Variants in CASZ1 observed in about 807,000 individuals in gnomAD.
The protein encoded by CASZ1 is zinc finger protein castor homolog 1.
A neutral mutation model predicts 135.2 loss-of-function variants in CASZ1; 28 were observed. The ratio of observed to expected loss-of-function variants is 0.21; its 90% CI spans 0.15 to 0.28. The LOEUF (loss-of-function observed/expected upper bound fraction) is 0.28, where lower values mean the gene tolerates loss of function less well. Among genes scored for constraint, CASZ1 ranks in the 10% least tolerant of loss-of-function variants. The pLI is 1.00. For missense variants in CASZ1, 2,161 were observed against 2,453.3 expected, an observed-to-expected ratio of 0.88 and a Z score of 2.52; for synonymous variants, 1,068 against 1,073.4, an observed-to-expected ratio of 0.99 and a Z score of 0.10.
At chr1:10,705,916 G>A (rs1557521613) in intron 2 of CASZ1, among the ~76,000 whole-genome samples, 1 of 152,258 alleles carries the variant, frequency 6.6e-6, no homozygotes, top group Non-Finnish European at 1.5e-5. Context: ...CCGTGGAGCT[G>A]CAGCGGCCTA....
rs771506457 is a variant in CASZ1 at position 10,654,470 on chromosome 1, CCA to C, written c.1785_1786del (p.Cys595TrpfsTer31). On this transcript the variant is annotated frameshift_variant, in exon 10 of 21. Transcript: ENST00000377022. LOFTEE classifies it high-confidence loss of function. ...TCCGTAGAACTGGCAGTCGGCTGTG[CCA>C]CAGTCTTCGGTGGCTCGGAAGCGCT... 6.2e-7 allele frequency: 1 copy of C among 1,614,240 alleles called. No homozygotes were observed. Among genetic ancestry groups the C allele is most frequent in the South Asian group, 1.1e-5 (1 of 91,086 alleles).
rs1255433527 is a variant in CASZ1, at chr1:10,759,111, G to C, written c.-77+1590C>G. On this transcript the variant is annotated intron_variant, in intron 2 of 20. Coordinates refer to ENST00000377022, the MANE Select transcript of CASZ1 (RefSeq NM_001079843.3). The surrounding 1 kb of genome is among the most constrained non-coding windows in gnomAD (Gnocchi z 4.2). Reference sequence around the variant, plus strand: ...AACAAAAAACCCGTCACTGAGAACAGAGCAGGCAAACATTACCCTCTCAGA... The same window carrying C: ...AACAAAAAACCCGTCACTGAGAACACAGCAGGCAAACATTACCCTCTCAGA... 6.6e-6 allele frequency among the ~76,000 whole-genome samples: 1 copy of C among 152,204 alleles called. No individual in the cohort carries two copies. Among genetic ancestry groups the C allele is most frequent in the Admixed American group, 6.5e-5 (1 of 15,278 alleles).
chr1:10,643,094 G>C, intron 19 of CASZ1, 66 bp downstream of exon 19: 1 of 1,596,048 alleles, frequency 6.3e-7, no homozygotes, highest in Non-Finnish European at 8.6e-7. Context: ...AGGCCTGAGA[G>C]TGAGCGTGGG....
In CASZ1 at chr1:10,707,536, G is replaced by A. The variant is rs1020142933; in HGVS notation, c.-76-1992C>T. 6.6e-6 allele frequency among the ~76,000 whole-genome samples: 1 copy of A among 152,112 alleles called. No homozygotes were observed. Among genetic ancestry groups the A allele is most frequent in the Admixed American group, 6.5e-5 (1 of 15,280 alleles). ...ACTTTCCAGGAGTTGGTCGGGGGTG[G>A]AGGAGGGAGGGGAGGGCCAGAGATG... is the stretch of plus-strand genomic sequence containing the variant. On this transcript the variant is annotated intron_variant, in intron 2 of 20. Coordinates refer to ENST00000377022, the MANE Select transcript of CASZ1 (RefSeq NM_001079843.3). This position sits in a 1 kb window ranked among gnomAD's most constrained non-coding sequence, Gnocchi z 5.0.
rs933106836 is a variant in CASZ1 at position 10,660,000 on chromosome 1, G to A, written c.1042C>T (p.His348Tyr). Reference sequence around the variant, plus strand: ...CTGCCCTCCCCGGGTTTGAAGAGGTGCAGGTACTTGACATTCTCCAGGTCG... The same window carrying A: ...CTGCCCTCCCCGGGTTTGAAGAGGTACAGGTACTTGACATTCTCCAGGTCG... ...KYDLENVKYL[H>Y]LFKPGEGSPD... Residue 348 changes from histidine (H) to tyrosine (Y), a missense_variant, in exon 6 of 21, where the codon CAC (histidine) becomes TAC (tyrosine). Around this residue, in one of 7 missense-constraint regions of CASZ1, gnomAD observed 590 missense variants for 609.8 expected, o/e 0.97. Transcript: ENST00000377022. The A allele has an allele frequency of 3.7e-6, 6 of 1,613,980 alleles. No homozygotes were observed. The highest frequency in any genetic ancestry group is 5.1e-6 in the Non-Finnish European group (6 of 1,180,012).
intron 4 of CASZ1, among the ~76,000 whole-genome samples, chr1:10,686,149 G>A (rs1570473997): frequency 6.6e-6 from 1 of 152,060 alleles, no homozygotes; most frequent in South Asian, 2.1e-4. Flanking sequence ...GCGCCTGGCC[G>A]TCCTCTCCTC....
intron 3 of CASZ1, among the ~76,000 whole-genome samples, chr1:10,703,343 C>T (rs1639103408): frequency 6.6e-6 from 1 of 152,094 alleles, no homozygotes; most frequent in African/African-American, 2.4e-5. Context: ...ACCTCCAGGG[C>T]CTTCTCAGCC....
At position 10,639,840 on chromosome 1, in the gene CASZ1, C is replaced by T. The variant is rs747304331; in HGVS notation, c.4382G>A (p.Arg1461His). The change falls in exon 21 of 21, where the codon CGC becomes CAC. Residue 1461 changes from arginine to histidine, a missense_variant. Arg to His is a conservative substitution (Grantham distance 29). Coordinates refer to ENST00000377022, the MANE Select transcript of CASZ1 (RefSeq NM_001079843.3). The surrounding 1 kb of genome is among the most constrained non-coding windows in gnomAD (Gnocchi z 4.0). ...SLKVTHYHCT[R>H]ENCGYKFCGR... The stretch of plus-strand genomic sequence containing the variant: ...GCAGAACTTGTAGCCGCAGTTCTCG[C>T]GCGTGCAGTGGTAGTGGGTGACCTT... 3.1e-6 allele frequency: 5 copies of T among 1,611,426 alleles called. No individual in the cohort carries two copies. Among genetic ancestry groups the T allele is most frequent in the Non-Finnish European group, 4.2e-6 (5 of 1,179,354 alleles).
At chr1:10,772,493 GAA>G (rs1354881289) in intron 1 of CASZ1, among the ~76,000 whole-genome samples, 2 of 152,146 alleles carry the variant, frequency 1.3e-5, no homozygotes, top group East Asian at 3.9e-4. Flanking sequence ...TGCCATCCTG[GAA>G]AGGGCAGACA....
chr1:10,696,914 G>A (rs1476313414), intron 3 of CASZ1, among the ~76,000 whole-genome samples: 1 of 152,154 alleles, frequency 6.6e-6, no homozygotes, highest in Non-Finnish European at 1.5e-5. Context: ...CCAGTAACTC[G>A]GGGGGTCTCA....
chr1:10,654,398 C>T lies in CASZ1; in HGVS notation c.1838+21G>A, dbSNP rs555150961. Reference sequence around the variant, plus strand: ...CCTCCCCGCTTCTGCCCACGAAGGCCCCCACCAGGCTCCCGCTTACCTGCA... The same window carrying T: ...CCTCCCCGCTTCTGCCCACGAAGGCTCCCACCAGGCTCCCGCTTACCTGCA... On this transcript the variant is annotated intron_variant, in intron 10 of 20. Coordinates refer to ENST00000377022, the MANE Select transcript of CASZ1 (RefSeq NM_001079843.3). 1.5e-5 allele frequency: 24 copies of T among 1,609,996 alleles called. No individual in the cohort carries two copies. In the South Asian group the frequency reaches 2.6e-4, roughly 18 times the overall value.
At position 10,656,699 on chromosome 1, in the gene CASZ1, C is replaced by A; in HGVS notation, c.1447G>T (p.Ala483Ser). Residue 483 changes from alanine to serine, a missense_variant, in exon 8 of 21, where the codon GCC becomes TCC. By Grantham distance (99) the Ala-to-Ser change is moderately conservative (BLOSUM62 1). Transcript: ENST00000377022. ...TGGTAGTGCTCGCGGTACTGGTAGG[C>A]ACAGTGGATGTGGCCACAGTGCTGG... ...GSQHCGHIHC[A>S]YQYREHYHCL... 6.2e-7 allele frequency: 1 copy of A among 1,603,416 alleles called. No individual in the cohort carries two copies. The highest frequency in any genetic ancestry group is 1.1e-5 in the South Asian group (1 of 88,546).
intron 2 of CASZ1, among the ~76,000 whole-genome samples, chr1:10,729,102 G>A (rs549544479): frequency 6.7e-6 from 1 of 150,098 alleles, no homozygotes; most frequent in South Asian, 2.1e-4. Context: ...GGGGAGTGGG[G>A]AGGAGAGGGA....
In CASZ1 at chr1:10,747,112, C is replaced by T. The variant is rs532131786; in HGVS notation, c.-77+13589G>A. The stretch of plus-strand genomic sequence containing the variant: ...CCAGTTGGCAGTGCCATTCCCCTAA[C>T]GCAAGGTAAGCACACACAGACCCTT... On this transcript the variant is annotated intron_variant, in intron 2 of 20. Coordinates refer to ENST00000377022, the MANE Select transcript of CASZ1 (RefSeq NM_001079843.3). This position sits in a 1 kb window ranked among gnomAD's most constrained non-coding sequence, Gnocchi z 4.3. Among the ~76,000 whole-genome samples the T allele has an allele frequency of 6.6e-5, 10 of 152,330 alleles. No homozygotes were observed. In the East Asian group the frequency reaches 7.7e-4, roughly 12 times the overall value.
At chr1:10,779,175 C>A (rs1039210908) in intron 1 of CASZ1, among the ~76,000 whole-genome samples, 5 of 152,162 alleles carry the variant, frequency 3.3e-5, no homozygotes, top group African/African-American at 4.8e-5. Flanking sequence ...CTGTCTCCCC[C>A]CCAGCCCCAC....
At chr1:10,748,480 C>T (rs113107242) in intron 2 of CASZ1, among the ~76,000 whole-genome samples, 5,739 of 152,252 alleles carry the variant, frequency 0.038, 347 homozygotes, top group African/African-American at 0.13. Context: ...CCTGCAAAGA[C>T]GATGCTATTG....
chr1:10,715,347 C>T (rs996160978), intron 2 of CASZ1, among the ~76,000 whole-genome samples: 9 of 152,098 alleles, frequency 5.9e-5, no homozygotes, highest in African/African-American at 2.2e-4. Context: ...GTCCTGTACC[C>T]GCGCTAGGCA....
At position 10,699,377 on chromosome 1, in the gene CASZ1, A is replaced by G. The variant is rs1217760737; in HGVS notation, c.-23-5465T>C. Among the ~76,000 whole-genome samples, 2 of 152,076 alleles carry G rather than the reference A, an allele frequency of 1.3e-5. No individual in the cohort carries two copies. Among genetic ancestry groups the G allele is most frequent in the Non-Finnish European group, 2.9e-5 (2 of 68,010 alleles). The stretch of plus-strand genomic sequence containing the variant: ...CCCCTCCTCTTCCCCCAACCCCCAC[A>G]TCCCACTTACCCTGCTCTAAAAGGT... On this transcript the variant is annotated intron_variant, in intron 3 of 20. Coordinates refer to ENST00000377022, the MANE Select transcript of CASZ1 (RefSeq NM_001079843.3). The surrounding 1 kb of genome is among the most constrained non-coding windows in gnomAD (Gnocchi z 4.6).
chr1:10,683,400 A>G (rs184201766), intron 4 of CASZ1, among the ~76,000 whole-genome samples: 1 of 152,304 alleles, frequency 6.6e-6, no homozygotes, highest in East Asian at 1.9e-4. Context: ...CCTGCAAAGC[A>G]GTGAGTTTAT....
Sources: gnomAD v4.1 joint callset for allele counts (sites outside exome capture counted in the v4.1 genomes callset) on GRCh38, gnomAD v4.1.1 for gene constraint, gnomAD v4.1.1 regional missense constraint, Gnocchi (gnomAD v3.1) non-coding constraint, MANE v1.5 for transcripts, NCBI Gene and HGNC (gene_info 2026-07-23, HGNC 2026-07-21) for gene names.